Variants in ARHGEF33 observed in about 807,000 individuals in gnomAD.
ARHGEF33 encodes the protein Rho guanine nucleotide exchange factor 33.
Under a neutral mutation model 101.9 loss-of-function variants are expected in ARHGEF33, and 72 were observed. That is an observed-to-expected ratio of 0.71 (90% CI 0.58 to 0.86). ARHGEF33 has a LOEUF of 0.86. ARHGEF33 is among the 40% of genes least tolerant of loss of function. The pLI is 0.00. For synonymous variants in ARHGEF33, 499 were observed against 442.5 expected, an observed-to-expected ratio of 1.13 and a Z score of -1.60; for missense variants, 1,169 against 1,111.3, an observed-to-expected ratio of 1.05 and a Z score of -0.74.
At chr2:38,952,854 A>G (rs1485984334) in intron 11 of ARHGEF33, among the ~76,000 whole-genome samples, 1 of 152,050 alleles carries the variant, frequency 6.6e-6, no homozygotes, top group African/African-American at 2.4e-5. Context: ...ACCTGCCATC[A>G]TGCCTGGCTA....
Position 38,919,345 on chromosome 2 carries a change from C to A in ARHGEF33, c.-85-18C>A. ...ACAGTTTTACTTGTTATCCCTTACT[C>A]TTGATTTGAATTGACAGGTGCAGGG... On this transcript the variant is annotated intron_variant, in intron 2 of 17. Transcript: ENST00000409978. The A allele has an allele frequency of 8.3e-7, 1 of 1,209,768 alleles. No homozygotes were observed. The highest frequency in any genetic ancestry group is 1.3e-5 in the South Asian group (1 of 76,006). The allele number at this position is 1,209,768 out of a possible 1,614,324, so 74.9% of individuals were successfully genotyped here.
chr2:38,971,074 T>C (rs1359866144), intron 17 of ARHGEF33, among the ~76,000 whole-genome samples: 1 of 152,244 alleles, frequency 6.6e-6, no homozygotes, highest in Non-Finnish European at 1.5e-5. Context: ...CCTTTACTTC[T>C]TGAGACAGAT....
At chr2:38,894,650 C>T (rs1666081331) in intron 1 of ARHGEF33, among the ~76,000 whole-genome samples, 1 of 152,102 alleles carries the variant, frequency 6.6e-6, no homozygotes, top group African/African-American at 2.4e-5. Flanking sequence ...ACCTATCTCA[C>T]TGATGTTCAG....
intron 2 of ARHGEF33, among the ~76,000 whole-genome samples, chr2:38,912,942 T>C (rs1237070829): frequency 1.3e-5 from 2 of 152,150 alleles, no homozygotes; most frequent in Non-Finnish European, 2.9e-5. Flanking sequence ...TGAAGCATCA[T>C]GTTTGGCATA....
chr2:38,970,566 C>T (rs951186200), intron 17 of ARHGEF33, among the ~76,000 whole-genome samples: 2 of 152,170 alleles, frequency 1.3e-5, no homozygotes, highest in Admixed American at 6.5e-5. Context: ...ACCTTAATTA[C>T]AAATGTTTCT....
rs557905318 is a variant in ARHGEF33, at chr2:38,930,504, G to A, written c.363-605G>A. Among the ~76,000 whole-genome samples the A allele has an allele frequency of 9.9e-5, 15 of 151,220 alleles. No homozygotes were observed. The East Asian group carries it at 2.5e-3, about 25-fold the overall frequency. On this transcript the variant is annotated intron_variant, in intron 6 of 17. Coordinates refer to ENST00000409978, the MANE Select transcript of ARHGEF33 (RefSeq NM_001145451.5). Reference sequence around the variant, plus strand: ...CTGGGACTATAGGTGTGGCCATCACGCTAGCTAATTTAAAAAAAAATTATA... The same window carrying A: ...CTGGGACTATAGGTGTGGCCATCACACTAGCTAATTTAAAAAAAAATTATA...
rs1666933652 is a variant in ARHGEF33 at position 38,929,007 on chromosome 2, A to C, written c.176A>C (p.Lys59Thr). 6.4e-7 allele frequency: 1 copy of C among 1,551,224 alleles called. No homozygotes were observed. The highest frequency in any genetic ancestry group is 8.7e-7 in the Non-Finnish European group (1 of 1,146,534). ...GAATATGCTTTGGAAGAAAAGGTTA[A>C]GAGCTGCAGATGTTCCATGGAAGAA... ...HGEYALEEKV[K>T]SCRCSMEEKV... The change falls in exon 5 of 18, where the codon AAG (lysine) becomes ACG (threonine). Residue 59 changes from lysine to threonine, a missense_variant. By Grantham distance (78) the Lys-to-Thr change is moderately conservative. Transcript: ENST00000409978.
At chr2:38,936,431 C>T (rs1667131473) in intron 8 of ARHGEF33, among the ~76,000 whole-genome samples, 1 of 152,180 alleles carries the variant, frequency 6.6e-6, no homozygotes, top group Admixed American at 6.5e-5. Flanking sequence ...CCCAGGAGTG[C>T]TCCAGCATCT....
At chr2:38,914,215 C>T (rs568609420) in intron 2 of ARHGEF33, among the ~76,000 whole-genome samples, 1 of 152,156 alleles carries the variant, frequency 6.6e-6, no homozygotes, top group African/African-American at 2.4e-5. Flanking sequence ...GGAAACTCCA[C>T]ATAAATAAAA....
chr2:38,954,351 A>T, intron 12 of ARHGEF33, 22 bp from the exon 13 acceptor site: 1 of 1,457,938 alleles, frequency 6.9e-7, no homozygotes, highest in Non-Finnish European at 9.4e-7. Context: ...CTGAAGAGTA[A>T]CTTGACCTTT....
intron 3 of ARHGEF33, among the ~76,000 whole-genome samples, chr2:38,921,163 T>G (rs974486975): frequency 2.6e-5 from 4 of 152,160 alleles, no homozygotes; most frequent in African/African-American, 9.7e-5. Context: ...ATTGCAAGAG[T>G]ATATCAGGTA....
chr2:38,921,306 G>T (rs540950261), intron 3 of ARHGEF33, 68 bp from the exon 4 acceptor site: 1 of 934,528 alleles, frequency 1.1e-6, no homozygotes, highest in East Asian at 2.6e-5. Flanking sequence ...CTTATTCCCT[G>T]CATGTATCTG....
At position 38,960,075 on chromosome 2, in the gene ARHGEF33, C is replaced by T. The variant is rs1326193444; in HGVS notation, c.1770C>T (p.Asn590=). ...CCTCTCCGGCGGAGCCGCTGGGCAA[C>T]GTGGAGCGCTCCCTGCGCGCCCCGG... ...FESSPAEPLG[N]VERSLRAPAE... Residue 590 remains asparagine, a synonymous_variant, in exon 16 of 18, where the codon AAC becomes AAT. Coordinates refer to ENST00000409978, the MANE Select transcript of ARHGEF33 (RefSeq NM_001145451.5). 1 of 1,542,148 alleles carries T rather than the reference C, an allele frequency of 6.5e-7. No homozygotes were observed. The highest frequency in any genetic ancestry group is 8.7e-7 in the Non-Finnish European group (1 of 1,143,802).
intron 9 of ARHGEF33, among the ~76,000 whole-genome samples, chr2:38,938,573 A>G (rs1667216166): frequency 6.6e-6 from 1 of 152,208 alleles, no homozygotes; most frequent in Non-Finnish European, 1.5e-5. Context: ...TTTTTTTACT[A>G]ATACTTTATT....
At chr2:38,966,234 C>T in intron 17 of ARHGEF33, 89 bp downstream of exon 17, 1 of 1,459,766 alleles carries the variant, frequency 6.9e-7, no homozygotes. Flanking sequence ...ATCAAGTAGC[C>T]TGGTCTCACA....
intron 4 of ARHGEF33, among the ~76,000 whole-genome samples, chr2:38,926,287 T>G (rs1191080180): frequency 6.6e-6 from 1 of 152,168 alleles, no homozygotes; most frequent in Admixed American, 6.5e-5. Flanking sequence ...TTTCTAATCC[T>G]TGGGGTGGGC....
chr2:38,906,203 A>C (rs1280924481), intron 2 of ARHGEF33, among the ~76,000 whole-genome samples: 1 of 151,906 alleles, frequency 6.6e-6, no homozygotes, highest in Non-Finnish European at 1.5e-5. Flanking sequence ...AAAAAAAAAA[A>C]AAAGAAAAAA....
In ARHGEF33 at chr2:38,929,801, G is replaced by A. The variant is rs989703398; in HGVS notation, c.333G>A (p.Lys111=). Residue 111 remains lysine, a synonymous_variant, in exon 6 of 18, where the codon AAG becomes AAA. Transcript: ENST00000409978. ...QQKIEQLQQE[K]RRESRKVKAK... is the part of the protein sequence containing the mutation. Reference sequence around the variant, plus strand: ...AAATCGAGCAGCTTCAACAGGAGAAGCGAAGAGAATCTCGAAAAGTTAAAG... The same window carrying A: ...AAATCGAGCAGCTTCAACAGGAGAAACGAAGAGAATCTCGAAAAGTTAAAG... 2 of 1,551,628 alleles carry A rather than the reference G, an allele frequency of 1.3e-6. No homozygotes were observed. Among genetic ancestry groups the A allele is most frequent in the South Asian group, 1.2e-5 (1 of 84,046 alleles).
intron 16 of ARHGEF33, among the ~76,000 whole-genome samples, chr2:38,962,735 C>A (rs1667971947): frequency 6.8e-6 from 1 of 146,280 alleles, no homozygotes; most frequent in South Asian, 2.2e-4. Context: ...CTGGTTGTGG[C>A]CGGGTGCGGT....
Sources: gnomAD v4.1 joint callset for allele counts (sites outside exome capture counted in the v4.1 genomes callset) on GRCh38, gnomAD v4.1.1 for gene constraint, MANE v1.5 for transcripts, NCBI Gene and HGNC (gene_info 2026-07-23, HGNC 2026-07-21) for gene names.